The following ANKRD22 variants were observed in gnomAD, a reference collection of about 807,000 sequenced individuals.
ANKRD22 encodes ankyrin repeat domain-containing protein 22.
In ANKRD22, 24 loss-of-function variants were observed where a neutral mutation model predicts 25.7. The observed-to-expected ratio is 0.93, with a 90% CI of 0.68 to 1.31. The LOEUF (loss-of-function observed/expected upper bound fraction) is 1.31, where lower values mean the gene tolerates loss of function less well. Among genes scored for constraint, ANKRD22 ranks in the 50% most tolerant of loss-of-function variants. ANKRD22 has a pLI of 0.00. For missense variants in ANKRD22, 214 were observed against 227.1 expected (o/e 0.94, Z 0.37); for synonymous variants, 84 against 84.3 (o/e 1.00, Z 0.02).
Position 88,842,652 on chromosome 10 carries a change from A to T in ANKRD22, c.21+8935T>A, listed in dbSNP as rs142761547. 6.1e-3 allele frequency among the ~76,000 whole-genome samples: 933 copies of T among 152,238 alleles called. 10 individuals carry two copies. Among genetic ancestry groups the T allele is most frequent in the African/African-American group, 0.021 (861 of 41,556 alleles). ...CATTCTGTATCATGTTATACGACAA[A>T]CCTTCCCAAGCATCTGCAGAGTTAA... On this transcript the variant is annotated intron_variant, in intron 1 of 5. Transcript: ENST00000371930.
Position 88,851,777 on chromosome 10 carries a change from C to A in ANKRD22, c.-170G>T. ...CAAACACCTGTCAGTGCTTTTCCAG[C>A]AGCTCAGGCAGCAGCACACCTTCCA... On this transcript the variant is annotated 5_prime_UTR_variant, in exon 1 of 6. Transcript: ENST00000371930. The A allele has an allele frequency of 1.5e-6, 1 of 659,710 alleles. No homozygotes were observed. The highest frequency in any genetic ancestry group is 2.7e-6 in the Non-Finnish European group (1 of 370,524). 40.9% of individuals were successfully genotyped at this position (659,710 alleles called of 1,614,324 possible).
intron 4 of ANKRD22, among the ~76,000 whole-genome samples, chr10:88,825,421 T>A (rs1843846762): frequency 6.6e-6 from 1 of 152,210 alleles, no homozygotes; most frequent in Non-Finnish European, 1.5e-5. Flanking sequence ...CTGCTACTGT[T>A]GTTATCACTG....
At position 88,828,686 on chromosome 10, in the gene ANKRD22, T is replaced by C; in HGVS notation, c.214-20A>G. Reference sequence around the variant, plus strand: ...CTCTTTCTAAAAATTAAGAAAAGGATTCTTTACTAATAAAGCATTTCAATT... The same window carrying C: ...CTCTTTCTAAAAATTAAGAAAAGGACTCTTTACTAATAAAGCATTTCAATT... On this transcript the variant is annotated intron_variant, in intron 2 of 5. Coordinates refer to ENST00000371930, the MANE Select transcript of ANKRD22 (RefSeq NM_144590.3). 6.6e-7 allele frequency: 1 copy of C among 1,511,976 alleles called. No individual in the cohort carries two copies. The highest frequency in any genetic ancestry group is 9.1e-7 in the Non-Finnish European group (1 of 1,104,266). The allele number at this position is 1,511,976 out of a possible 1,614,324, so 93.7% of individuals were successfully genotyped here. A position where few individuals can be genotyped will look rare whatever the true frequency, so the allele number is the denominator to read the frequency against.
chr10:88,846,598 C>G lies in ANKRD22; in HGVS notation c.21+4989G>C, dbSNP rs183414774. On this transcript the variant is annotated intron_variant, in intron 1 of 5. Transcript: ENST00000371930. Reference sequence around the variant, plus strand: ...GTGAAAACAATCACAAAAGATGTCCCTGGTGACCCATGCCTTTTGTTAGCA... The same window carrying G: ...GTGAAAACAATCACAAAAGATGTCCGTGGTGACCCATGCCTTTTGTTAGCA... Among the ~76,000 whole-genome samples the G allele has an allele frequency of 1.2e-3, 190 of 152,312 alleles. 2 individuals carry two copies. The highest frequency in any genetic ancestry group is 4.2e-3 in the African/African-American group (175 of 41,576).
chr10:88,827,285 C>G (rs1843864406), intron 3 of ANKRD22, among the ~76,000 whole-genome samples: 2 of 152,162 alleles, frequency 1.3e-5, no homozygotes, highest in South Asian at 4.1e-4. Flanking sequence ...TTTGTTAATT[C>G]ATCACAAATT....
chr10:88,830,228 C>A (rs1447953518), intron 2 of ANKRD22, among the ~76,000 whole-genome samples: 4 of 152,186 alleles, frequency 2.6e-5, no homozygotes, highest in Non-Finnish European at 5.9e-5. Context: ...AGTATTAATG[C>A]TTTTCATATT....
At chr10:88,828,009 T>C (rs558878529) in intron 3 of ANKRD22, among the ~76,000 whole-genome samples, 1 of 152,324 alleles carries the variant, frequency 6.6e-6, no homozygotes, top group Non-Finnish European at 1.5e-5. Flanking sequence ...ACCAACTACA[T>C]CTTTCTTTAT....
intron 1 of ANKRD22, 24 bp from the exon 2 acceptor site, chr10:88,832,050 G>C: frequency 1.3e-6 from 2 of 1,571,310 alleles, no homozygotes; most frequent in Non-Finnish European, 8.6e-7. Context: ...AACAAAAGCA[G>C]GTTTTGAAAT....
Position 88,820,936 on chromosome 10 carries a change from C to T in ANKRD22, c.*2005G>A, listed in dbSNP as rs1843786335. 6.6e-6 allele frequency among the ~76,000 whole-genome samples: 1 copy of T among 152,116 alleles called. No homozygotes were observed. The highest frequency in any genetic ancestry group is 2.1e-4 in the South Asian group (1 of 4,812). On this transcript the variant is annotated 3_prime_UTR_variant, in exon 6 of 6. Coordinates refer to ENST00000371930, the MANE Select transcript of ANKRD22 (RefSeq NM_144590.3). Reference sequence around the variant, plus strand: ...CATTTTCACCTTGTTGCCACAGAGACATAACACTACCTCAGGAAGCTGAGC... The same window carrying T: ...CATTTTCACCTTGTTGCCACAGAGATATAACACTACCTCAGGAAGCTGAGC...
intron 1 of ANKRD22, among the ~76,000 whole-genome samples, chr10:88,848,648 C>T (rs886122349): frequency 6.6e-6 from 1 of 152,120 alleles, no homozygotes; most frequent in East Asian, 1.9e-4. Flanking sequence ...TCTCATTCAG[C>T]TCTCTTGTTT....
chr10:88,828,217 C>T (rs541881054), intron 3 of ANKRD22, among the ~76,000 whole-genome samples: 4 of 152,184 alleles, frequency 2.6e-5, no homozygotes, highest in African/African-American at 9.6e-5. Flanking sequence ...AAAACACAAA[C>T]TCCTCTTTTA....
rs377061999 is a variant in ANKRD22, at chr10:88,831,900, G to T, written c.148C>A (p.Arg50=). 1.2e-6 allele frequency: 2 copies of T among 1,612,938 alleles called. No homozygotes were observed. Among genetic ancestry groups the T allele is most frequent in the Non-Finnish European group, 1.7e-6 (2 of 1,179,672 alleles). ...AAGGAAACGATTCTCACATGCCCTCGCCTGCAAGCACAGATCAGGGGCGTG... is the reference window on the plus strand; with the variant it reads ...AAGGAAACGATTCTCACATGCCCTCTCCTGCAAGCACAGATCAGGGGCGTG... ...GDTPLICACR[R]GHVRIVSFLL... is the part of the protein sequence containing the mutation. Residue 50 remains arginine, a synonymous_variant, in exon 2 of 6, where the codon CGA becomes AGA. Coordinates refer to ENST00000371930, the MANE Select transcript of ANKRD22 (RefSeq NM_144590.3).
rs2133065370 is a variant in ANKRD22 at position 88,819,939 on chromosome 10, A to G, written c.*3002T>C. 6.6e-6 allele frequency among the ~76,000 whole-genome samples: 1 copy of G among 152,392 alleles called. No individual in the cohort carries two copies. Among genetic ancestry groups the G allele is most frequent in the African/African-American group, 2.4e-5 (1 of 41,598 alleles). Reference sequence around the variant, plus strand: ...TATTTACAAAATATTTAATAGGAAGAAAAAAGAAATACAAGGCATTACATG... The same window carrying G: ...TATTTACAAAATATTTAATAGGAAGGAAAAAGAAATACAAGGCATTACATG... On this transcript the variant is annotated 3_prime_UTR_variant, in exon 6 of 6. Coordinates refer to ENST00000371930, the MANE Select transcript of ANKRD22 (RefSeq NM_144590.3).
intron 1 of ANKRD22, among the ~76,000 whole-genome samples, chr10:88,843,389 TC>T (rs1315816851): frequency 5.3e-5 from 8 of 152,148 alleles, no homozygotes; most frequent in African/African-American, 9.7e-5. Context: ...AGTGCTAAAA[TC>T]CCCTTTCAAA....
At position 88,834,903 on chromosome 10, in the gene ANKRD22, T is replaced by G. The variant is rs188473008; in HGVS notation, c.22-2877A>C. ...GAAATCGCGCCACTTCATTCCAGCC[T>G]GGGCGACACAGCGAAACTCTGCCTC... On this transcript the variant is annotated intron_variant, in intron 1 of 5. Transcript: ENST00000371930. 1.3e-4 allele frequency among the ~76,000 whole-genome samples: 20 copies of G among 151,928 alleles called. 1 individual carries two copies. Among genetic ancestry groups the G allele is most frequent in the Admixed American group, 4.6e-4 (7 of 15,270 alleles).
rs536865052 is a variant in ANKRD22 at position 88,827,214 on chromosome 10, T to C, written c.322-1099A>G. 9.1e-4 allele frequency among the ~76,000 whole-genome samples: 111 copies of C among 122,530 alleles called. 2 individuals carry two copies. In the East Asian group the frequency reaches 0.019, roughly 21 times the overall value. The allele number at this position is 122,530 out of a possible 152,430, so 80.4% of individuals were successfully genotyped here. A position where few individuals can be genotyped will look rare whatever the true frequency, so the allele number is the denominator to read the frequency against. The stretch of plus-strand genomic sequence containing the variant: ...TAAACTGCCTTTCTCTGCCTACTTT[T>C]CTCTGAAATAACCCAATGCTTTCCT... On this transcript the variant is annotated intron_variant, in intron 3 of 5. Coordinates refer to ENST00000371930, the MANE Select transcript of ANKRD22 (RefSeq NM_144590.3).
rs150870344 is a variant in ANKRD22 at position 88,833,404 on chromosome 10, G to A, written c.22-1378C>T. ...TCACAGGTACCAGAGAATAAAATAT[G>A]TTATCTTATCCATGTAAAATGTATC... On this transcript the variant is annotated intron_variant, in intron 1 of 5. Transcript: ENST00000371930. Among the ~76,000 whole-genome samples, 72 of 152,238 alleles carry A rather than the reference G, an allele frequency of 4.7e-4. 1 individual carries two copies. The highest frequency in any genetic ancestry group is 1.7e-3 in the African/African-American group (69 of 41,520).
intron 1 of ANKRD22, among the ~76,000 whole-genome samples, chr10:88,843,910 T>C (rs770535675): frequency 2.0e-5 from 3 of 152,166 alleles, no homozygotes; most frequent in Non-Finnish European, 4.4e-5. Flanking sequence ...CATTATACCT[T>C]TCTCTTCGGC....
chr10:88,849,547 T>C (rs774185682), intron 1 of ANKRD22, among the ~76,000 whole-genome samples: 3 of 152,190 alleles, frequency 2.0e-5, no homozygotes, highest in Non-Finnish European at 4.4e-5. Flanking sequence ...TTTTCAACTG[T>C]GTAACTATGA....
Sources: gnomAD v4.1 joint callset for allele counts (sites outside exome capture counted in the v4.1 genomes callset) on GRCh38, gnomAD v4.1.1 for gene constraint, MANE v1.5 for transcripts, NCBI Gene and HGNC (gene_info 2026-07-23, HGNC 2026-07-21) for gene names.